TBC1D12: variants seen among roughly 807,000 people sequenced by gnomAD.
The protein encoded by TBC1D12 is TBC1 domain family member 12, also known as TBC1 domain family, member 12.
TBC1D12 carries 56 observed loss-of-function variants against 86.7 expected under a neutral mutation model. The observed-to-expected ratio is 0.65, with a 90% CI of 0.52 to 0.81. TBC1D12 has a LOEUF of 0.81. Ranked by LOEUF, TBC1D12 falls within the 30% of genes least tolerant of loss-of-function variation. TBC1D12 has a pLI of 0.00. For missense variants in TBC1D12, 1,023 were observed against 1,038.8 expected, an observed-to-expected ratio of 0.98 and a Z score of 0.21; for synonymous variants, 421 against 411.7, an observed-to-expected ratio of 1.02 and a Z score of -0.27.
chr10:94,465,953 T>C, intron 2 of TBC1D12, among the ~76,000 whole-genome samples: 1 of 151,364 alleles, frequency 6.6e-6, no homozygotes, highest in African/African-American at 2.4e-5. Flanking sequence ...CGCGTATGTA[T>C]GTATATACAT....
At chr10:94,522,871 C>T (rs1232339165) in intron 11 of TBC1D12, among the ~76,000 whole-genome samples, 2 of 151,888 alleles carry the variant, frequency 1.3e-5, no homozygotes, top group Non-Finnish European at 2.9e-5. Context: ...TGGTGAAACC[C>T]TGTCTCTACT....
chr10:94,480,199 T>C (rs1474410344), intron 3 of TBC1D12, among the ~76,000 whole-genome samples: 1 of 152,216 alleles, frequency 6.6e-6, no homozygotes, highest in Admixed American at 6.5e-5. Context: ...TAAAAGGCTG[T>C]AAGCCCCTTT....
intron 1 of TBC1D12, among the ~76,000 whole-genome samples, chr10:94,440,369 G>T (rs1382673672): frequency 6.6e-6 from 1 of 151,794 alleles, no homozygotes; most frequent in Non-Finnish European, 1.5e-5. Context: ...TAGAAACAGG[G>T]TCTCACTACA....
intron 4 of TBC1D12, among the ~76,000 whole-genome samples, chr10:94,495,137 C>T (rs1263605352): frequency 6.6e-6 from 1 of 151,988 alleles, no homozygotes; most frequent in Non-Finnish European, 1.5e-5. Context: ...GATTCTCCTA[C>T]CTCAGCCTCC....
intron 2 of TBC1D12, among the ~76,000 whole-genome samples, chr10:94,465,519 G>A (rs113459648): frequency 0.03 from 4,628 of 152,064 alleles, 112 homozygotes; most frequent in Middle Eastern, 0.14. Context: ...GGTGGCACGT[G>A]CCTGTAGTCT....
chr10:94,440,926 T>C (rs2055371597), intron 1 of TBC1D12, among the ~76,000 whole-genome samples: 1 of 152,218 alleles, frequency 6.6e-6, no homozygotes, highest in South Asian at 2.1e-4. Context: ...CTCGGCTCAC[T>C]GCAACCTCCG....
At chr10:94,508,030 G>A (rs1435198524) in intron 7 of TBC1D12, among the ~76,000 whole-genome samples, 1 of 152,128 alleles carries the variant, frequency 6.6e-6, no homozygotes, top group Non-Finnish European at 1.5e-5. Context: ...GAAATTAATT[G>A]AATGTAATGA....
chr10:94,403,055 G>A lies in TBC1D12; in HGVS notation c.442G>A (p.Asp148Asn), dbSNP rs2054791788. 6.5e-7 allele frequency: 1 copy of A among 1,543,886 alleles called. No individual in the cohort carries two copies. The highest frequency in any genetic ancestry group is 1.2e-5 in the South Asian group (1 of 83,178). ...SGFLPGRDCR[D>N]LEEARGLARA... Reference sequence around the variant, plus strand: ...TTTTCTGCCGGGCCGGGACTGTCGCGATCTGGAAGAGGCTCGCGGGCTGGC... The same window carrying A: ...TTTTCTGCCGGGCCGGGACTGTCGCAATCTGGAAGAGGCTCGCGGGCTGGC... The change falls in exon 1 of 13, where the codon GAT (aspartate) becomes AAT (asparagine). Residue 148 changes from aspartate to asparagine, a missense_variant. Asp to Asn is a conservative substitution (Grantham distance 23). Coordinates refer to ENST00000225235, the MANE Select transcript of TBC1D12 (RefSeq NM_015188.2).
chr10:94,502,058 C>T (rs906838251), intron 6 of TBC1D12, among the ~76,000 whole-genome samples: 4 of 151,774 alleles, frequency 2.6e-5, no homozygotes, highest in East Asian at 3.9e-4. Context: ...TTTGGCCAGG[C>T]GCGGTGGCTC....
intron 1 of TBC1D12, among the ~76,000 whole-genome samples, chr10:94,430,366 G>C (rs188477925): frequency 2.0e-5 from 3 of 152,142 alleles, no homozygotes; most frequent in African/African-American, 4.8e-5. Context: ...ATTTTCTATA[G>C]TGTCAAATTC....
intron 2 of TBC1D12, among the ~76,000 whole-genome samples, chr10:94,472,527 G>C (rs1304858155): frequency 6.6e-6 from 1 of 152,092 alleles, no homozygotes; most frequent in Non-Finnish European, 1.5e-5. Flanking sequence ...TGTTTTATTG[G>C]ATAATATTCA....
intron 1 of TBC1D12, among the ~76,000 whole-genome samples, chr10:94,426,172 G>A (rs2055143024): frequency 1.3e-5 from 2 of 151,922 alleles, no homozygotes; most frequent in Non-Finnish European, 1.5e-5. Context: ...TTATTGCATT[G>A]GCTAGGGCTT....
chr10:94,500,157 C>A, intron 5 of TBC1D12, 64 bp from the exon 6 acceptor site: 1 of 1,417,714 alleles, frequency 7.1e-7, no homozygotes, highest in Non-Finnish European at 9.8e-7. Flanking sequence ...GATAATCCAT[C>A]ATGCAACTAG....
chr10:94,420,508 A>G (rs1335343548), intron 1 of TBC1D12, among the ~76,000 whole-genome samples: 2 of 152,180 alleles, frequency 1.3e-5, no homozygotes, highest in Non-Finnish European at 1.5e-5. Context: ...GAAGCTCTGT[A>G]CTCACTAAGC....
intron 11 of TBC1D12, 76 bp from the exon 12 acceptor site, chr10:94,531,126 T>C: frequency 6.7e-7 from 1 of 1,500,222 alleles, no homozygotes; most frequent in Non-Finnish European, 9.0e-7. Flanking sequence ...ACTGTTCTTT[T>C]TTTATAGAGA....
intron 2 of TBC1D12, among the ~76,000 whole-genome samples, chr10:94,458,650 T>C (rs1257413156): frequency 6.6e-6 from 1 of 152,082 alleles, no homozygotes; most frequent in Non-Finnish European, 1.5e-5. Context: ...CTTCTGATGT[T>C]TGGATGTGTC....
intron 7 of TBC1D12, among the ~76,000 whole-genome samples, chr10:94,507,807 G>A (rs1232886215): frequency 3.3e-5 from 5 of 152,016 alleles, no homozygotes; most frequent in Admixed American, 6.6e-5. Flanking sequence ...ACAACATGGC[G>A]AAACCCCATC....
chr10:94,489,166 C>T (rs543872573), intron 3 of TBC1D12, among the ~76,000 whole-genome samples: 109 of 152,262 alleles, frequency 7.2e-4, no homozygotes, highest in African/African-American at 2.3e-3. Context: ...CGAGGCTTGC[C>T]GAAACTCAAG....
At chr10:94,440,220 A>T (rs1227808513) in intron 1 of TBC1D12, among the ~76,000 whole-genome samples, 1 of 151,332 alleles carries the variant, frequency 6.6e-6, no homozygotes, top group African/African-American at 2.4e-5. Flanking sequence ...CCCAGGCTGC[A>T]GTATAGTGGC....
Sources: gnomAD v4.1 joint callset for allele counts (sites outside exome capture counted in the v4.1 genomes callset) on GRCh38, gnomAD v4.1.1 for gene constraint, MANE v1.5 for transcripts, NCBI Gene and HGNC (gene_info 2026-07-23, HGNC 2026-07-21) for gene names.